MCPH1: variants seen among roughly 807,000 people sequenced by gnomAD.
MCPH1 encodes the protein microcephalin 1, also known as microcephalin.
In MCPH1, 104 loss-of-function variants were observed where a neutral mutation model predicts 84.5. The ratio of observed to expected loss-of-function variants is 1.23; its 90% CI spans 1.05 to 1.45. The LOEUF (loss-of-function observed/expected upper bound fraction) is 1.45, where lower values mean the gene tolerates loss of function less well. MCPH1 is among the 40% of genes most tolerant of loss of function. MCPH1 has a pLI of 0.00. For synonymous variants in MCPH1, 514 were observed against 366.8 expected, an observed-to-expected ratio of 1.40 and a Z score of -4.58; for missense variants, 1,498 against 1,005.7, an observed-to-expected ratio of 1.49 and a Z score of -6.62.
At chr8:6,553,371 G>A (rs1416520950) in intron 12 of MCPH1, among the ~76,000 whole-genome samples, 1 of 152,190 alleles carries the variant, frequency 6.6e-6, no homozygotes, top group Non-Finnish European at 1.5e-5. Flanking sequence ...AGTAAACCTA[G>A]CCAGCCCTCA....
At chr8:6,556,679 T>G (rs1824669022) in intron 12 of MCPH1, among the ~76,000 whole-genome samples, 1 of 152,092 alleles carries the variant, frequency 6.6e-6, no homozygotes, top group South Asian at 2.1e-4. Flanking sequence ...AATGGCACCA[T>G]CATAGTTCAC....
In MCPH1 at chr8:6,645,894, A is replaced by C. The variant is rs1339490629; in HGVS notation, c.*2845A>C. 1 of 152,342 alleles carries C rather than the reference A, an allele frequency of 6.6e-6. No homozygotes were observed. Among genetic ancestry groups the C allele is most frequent in the East Asian group, 1.9e-4 (1 of 5,188 alleles). The allele number at this position is 152,342 out of a possible 1,614,324, so 9.4% of individuals were successfully genotyped here. ...TAAAGACTTCTTTAAATAGAGACAT[A>C]TACAAAGTTCATAGATTAGAAGATG... On this transcript the variant is annotated 3_prime_UTR_variant, in exon 14 of 14. Coordinates refer to ENST00000344683, the MANE Select transcript of MCPH1 (RefSeq NM_024596.5).
chr8:6,473,821 T>TAA, intron 9 of MCPH1: 1 of 1,291,408 alleles, frequency 7.7e-7, no homozygotes, highest in Non-Finnish European at 1.0e-6. Flanking sequence ...AGAGTGATTG[T>TAA]AAAGTAGCTA....
intron 12 of MCPH1, among the ~76,000 whole-genome samples, chr8:6,543,757 C>T (rs1455348907): frequency 1.3e-5 from 2 of 152,162 alleles, no homozygotes; most frequent in East Asian, 3.8e-4. Flanking sequence ...ACCTCTGGTT[C>T]AGTTCCCATT....
chr8:6,626,728 T>C, intron 13 of MCPH1: 1 of 985,366 alleles, frequency 1.0e-6, no homozygotes, highest in Non-Finnish European at 1.2e-6. Flanking sequence ...GGAACTTGGC[T>C]GGGGTGAGGA....
chr8:6,470,136 A>T (rs1350009218), intron 9 of MCPH1, among the ~76,000 whole-genome samples: 1 of 152,136 alleles, frequency 6.6e-6, no homozygotes, highest in Non-Finnish European at 1.5e-5. Flanking sequence ...TAAATTTGTG[A>T]GATGTGTCTA....
intron 12 of MCPH1, among the ~76,000 whole-genome samples, chr8:6,533,569 C>CTTTTTTTTTTT (rs56882906): frequency 2.6e-5 from 3 of 113,336 alleles, no homozygotes; most frequent in African/African-American, 3.3e-5. Flanking sequence ...CGTTTAGTTT[C>CTTTTTTTTTTT]TTTTTTTTTT....
chr8:6,417,520 CTT>C (rs200243717), intron 3 of MCPH1, among the ~76,000 whole-genome samples: 1 of 151,622 alleles, frequency 6.6e-6, no homozygotes, highest in Non-Finnish European at 1.5e-5. Flanking sequence ...ATTGTTCAGT[CTT>C]TTTTTTTCTC....
intron 13 of MCPH1, chr8:6,626,276 C>G: frequency 4.1e-6 from 4 of 985,346 alleles, no homozygotes; most frequent in Non-Finnish European, 4.8e-6. Flanking sequence ...TAAGCCACGC[C>G]TCACTCACTT....
intron 11 of MCPH1, among the ~76,000 whole-genome samples, chr8:6,483,572 A>G (rs142965665): frequency 0.011 from 1,679 of 152,310 alleles, 33 homozygotes; most frequent in African/African-American, 0.038. Flanking sequence ...TCTTTTGAAC[A>G]AGTGGTGCTG....
At chr8:6,500,136 G>C in intron 12 of MCPH1, 1 of 566,384 alleles carries the variant, frequency 1.8e-6, no homozygotes, top group Non-Finnish European at 3.2e-6. Flanking sequence ...AAAGTAGTGA[G>C]GAATGCAGTC....
Position 6,647,597 on chromosome 8 carries a change from C to G in MCPH1, c.*4548C>G, listed in dbSNP as rs1426624072. The stretch of plus-strand genomic sequence containing the variant: ...CAGCAAACTTCTAAAAAGCAACAAA[C>G]TACTAAACACGTGCAACAACATGAA... On this transcript the variant is annotated 3_prime_UTR_variant, in exon 14 of 14. Transcript: ENST00000344683. 6.6e-6 allele frequency: 1 copy of G among 152,174 alleles called. No homozygotes were observed. The highest frequency in any genetic ancestry group is 1.5e-5 in the Non-Finnish European group (1 of 68,030). The allele number at this position is 152,174 out of a possible 1,614,324, so 9.4% of individuals were successfully genotyped here. A position where few individuals can be genotyped will look rare whatever the true frequency, so the allele number is the denominator to read the frequency against.
intron 2 of MCPH1, among the ~76,000 whole-genome samples, chr8:6,410,226 G>C (rs1260471176): frequency 6.6e-6 from 1 of 151,482 alleles, no homozygotes; most frequent in Non-Finnish European, 1.5e-5. Flanking sequence ...CGCCCACCTC[G>C]GCCTCCCAAA....
chr8:6,424,659 A>G (rs17076821), intron 3 of MCPH1, among the ~76,000 whole-genome samples: 117 of 152,342 alleles, frequency 7.7e-4, no homozygotes, highest in East Asian at 6.4e-3. Flanking sequence ...TATCACATCA[A>G]TGTGTAACAG....
chr8:6,512,662 T>G (rs73199034), intron 12 of MCPH1, among the ~76,000 whole-genome samples: 1,642 of 152,234 alleles, frequency 0.011, 26 homozygotes, highest in Non-Finnish European at 0.014. Context: ...ACTGTGCATG[T>G]GGCTTCACCG....
At chr8:6,599,369 A>G (rs1208892036) in intron 12 of MCPH1, among the ~76,000 whole-genome samples, 3 of 152,232 alleles carry the variant, frequency 2.0e-5, no homozygotes, top group Non-Finnish European at 2.9e-5. Flanking sequence ...CCAGGCCCCA[A>G]CTGTTTAAAG....
chr8:6,407,390 G>A (rs141197285), intron 1 of MCPH1, among the ~76,000 whole-genome samples: 191 of 152,210 alleles, frequency 1.3e-3, no homozygotes, highest in African/African-American at 4.5e-3. Context: ...CGGACGTTTA[G>A]GTGACTCTCC....
chr8:6,407,093 C>G, intron 1 of MCPH1: 1 of 324,536 alleles, frequency 3.1e-6, no homozygotes, highest in South Asian at 2.5e-5. Context: ...TGCTTTCACC[C>G]CTGCTGCCTT....
chr8:6,462,756 C>T (rs1485819908), intron 9 of MCPH1, among the ~76,000 whole-genome samples: 1 of 152,178 alleles, frequency 6.6e-6, no homozygotes, highest in Non-Finnish European at 1.5e-5. Flanking sequence ...GTACCAGTCT[C>T]CTCAAAGGGT....
Sources: allele counts gnomAD v4.1 joint callset (sites outside exome capture counted in the v4.1 genomes callset), GRCh38; gene constraint gnomAD v4.1.1; transcripts MANE v1.5; gene names NCBI Gene and HGNC (gene_info 2026-07-23, HGNC 2026-07-21).